DYNC1I1: variants seen among roughly 807,000 people sequenced by gnomAD.
DYNC1I1 encodes dynein cytoplasmic 1 intermediate chain 1.
Under a neutral mutation model 86.6 loss-of-function variants are expected in DYNC1I1, and 43 were observed. The observed-to-expected ratio is 0.50, with a 90% confidence interval of 0.39 to 0.64. The LOEUF (loss-of-function observed/expected upper bound fraction) is 0.64, where lower values mean the gene tolerates loss of function less well. Among genes scored for constraint, DYNC1I1 ranks in the 30% least tolerant of loss-of-function variants. The pLI, the probability that DYNC1I1 is intolerant of heterozygous loss-of-function variation, is 0.00. For synonymous variants in DYNC1I1, 262 were observed against 283.7 expected, an observed-to-expected ratio of 0.92 and a Z score of 0.77; for missense variants, 604 against 788.8, an observed-to-expected ratio of 0.77 and a Z score of 2.81.
chr7:96,039,351 G>A lies in DYNC1I1; in HGVS notation c.1439G>A (p.Gly480Asp). ...GGAATTAACTGCCACATGGCAGTGG[G>A]CCCAATCGACTTTTCTCACCTGTTT... ...VTGINCHMAV[G>D]PIDFSHLFVT... The change falls in exon 14 of 17, where the codon GGC becomes GAC. Residue 480 changes from glycine (G) to aspartate (D), a missense_variant. By Grantham distance (94) the Gly-to-Asp change is moderately conservative. Coordinates refer to ENST00000447467, the MANE Select transcript of DYNC1I1 (RefSeq NM_001135556.2). 6.2e-7 allele frequency: 1 copy of A among 1,614,118 alleles called. No homozygotes were observed. Among genetic ancestry groups the A allele is most frequent in the South Asian group, 1.1e-5 (1 of 91,078 alleles).
At chr7:95,946,017 C>G (rs1337173217) in intron 6 of DYNC1I1, among the ~76,000 whole-genome samples, 1 of 152,050 alleles carries the variant, frequency 6.6e-6, no homozygotes, top group African/African-American at 2.4e-5. Context: ...ATGGATGGAG[C>G]TGGAAGCCAT....
intron 16 of DYNC1I1, among the ~76,000 whole-genome samples, chr7:96,084,442 CTT>C (rs11369815): frequency 6.4e-5 from 8 of 124,734 alleles, no homozygotes; most frequent in Non-Finnish European, 9.8e-5. Flanking sequence ...TTTTTCTTTT[CTT>C]TTTTTTTTTT....
At chr7:96,078,698 T>C (rs959355734) in intron 15 of DYNC1I1, among the ~76,000 whole-genome samples, 39 of 152,174 alleles carry the variant, frequency 2.6e-4, no homozygotes, top group African/African-American at 9.4e-4. Context: ...TTTTTAAGAT[T>C]GTTCATAGAT....
chr7:96,012,909 A>G (rs904953366), intron 10 of DYNC1I1, among the ~76,000 whole-genome samples: 8 of 151,938 alleles, frequency 5.3e-5, no homozygotes, highest in Admixed American at 1.3e-4. Flanking sequence ...AATTTTTTCC[A>G]TAGGTTATTA....
intron 10 of DYNC1I1, among the ~76,000 whole-genome samples, chr7:96,018,954 A>G (rs1022367470): frequency 1.3e-5 from 2 of 152,140 alleles, no homozygotes. Context: ...AAGCACCTAG[A>G]TGTGTTTGTT....
chr7:96,097,590 C>T lies in DYNC1I1; in HGVS notation c.1884C>T (p.Ala628=), dbSNP rs1459752016. The change falls in exon 17 of 17, where the codon GCC becomes GCT. Residue 628 remains alanine (A), a synonymous_variant. Coordinates refer to ENST00000447467, the MANE Select transcript of DYNC1I1 (RefSeq NM_001135556.2). ...AGGAAGGCACTGTTGAGTTATCTGC[C>T]TAGTGGAAATGAGCCACCCCCACTG... The part of the protein sequence containing the change: ...SEEEGTVELS[A] 1 of 1,613,580 alleles carries T rather than the reference C, an allele frequency of 6.2e-7. No homozygotes were observed. Among genetic ancestry groups the T allele is most frequent in the East Asian group, 2.2e-5 (1 of 44,874 alleles).
intron 1 of DYNC1I1, among the ~76,000 whole-genome samples, chr7:95,773,045 C>T (rs1793746123): frequency 1.3e-5 from 2 of 152,200 alleles, no homozygotes; most frequent in Admixed American, 1.3e-4. Context: ...ACCTGGTCGC[C>T]CACCTTGTGG....
intron 6 of DYNC1I1, among the ~76,000 whole-genome samples, chr7:95,925,961 TAAAG>T (rs899813829): frequency 1.1e-4 from 17 of 152,170 alleles, no homozygotes; most frequent in African/African-American, 3.9e-4. Context: ...ATGCATAAAT[TAAAG>T]AAATCCAAAT....
intron 4 of DYNC1I1, among the ~76,000 whole-genome samples, chr7:95,821,866 A>G (rs1433111723): frequency 6.6e-6 from 1 of 152,220 alleles, no homozygotes; most frequent in African/African-American, 2.4e-5. Context: ...CCTTAGCCAC[A>G]TTGAGTGTTA....
rs557244676 is a variant in DYNC1I1 at position 95,898,457 on chromosome 7, T to C, written c.490+28459T>C. ...CCCTTCTGTTCCCCCATATGCTATT[T>C]ACATATAACATCTTGGGGTGATTGG... is the stretch of plus-strand genomic sequence containing the variant. On this transcript the variant is annotated intron_variant, in intron 6 of 16. Transcript: ENST00000447467. Among the ~76,000 whole-genome samples the C allele has an allele frequency of 2.7e-4, 41 of 152,288 alleles. No individual in the cohort carries two copies. The South Asian group carries it at 4.6e-3, about 17-fold the overall frequency.
At chr7:96,090,882 T>C (rs925964744) in intron 16 of DYNC1I1, among the ~76,000 whole-genome samples, 1 of 152,212 alleles carries the variant, frequency 6.6e-6, no homozygotes, top group African/African-American at 2.4e-5. Flanking sequence ...TATTGCATTC[T>C]AACTTGGAAT....
At chr7:95,850,546 A>C (rs1223927793) in intron 5 of DYNC1I1, among the ~76,000 whole-genome samples, 1 of 152,200 alleles carries the variant, frequency 6.6e-6, no homozygotes. Context: ...GCCTGAAACC[A>C]TGGATAGTAC....
At chr7:95,978,839 A>G (rs1793378679) in intron 7 of DYNC1I1, among the ~76,000 whole-genome samples, 2 of 151,944 alleles carry the variant, frequency 1.3e-5, no homozygotes, top group Non-Finnish European at 2.9e-5. Flanking sequence ...ACTCTGTCCC[A>G]GGCTGCAGTG....
intron 6 of DYNC1I1, among the ~76,000 whole-genome samples, chr7:95,938,299 T>C (rs751217709): frequency 6.6e-6 from 1 of 152,168 alleles, no homozygotes; most frequent in Non-Finnish European, 1.5e-5. Flanking sequence ...ATAATAACAT[T>C]CACCATGGTG....
At chr7:95,809,518 T>C (rs1189203582) in intron 2 of DYNC1I1, among the ~76,000 whole-genome samples, 2 of 152,146 alleles carry the variant, frequency 1.3e-5, no homozygotes, top group Admixed American at 1.3e-4. Flanking sequence ...GTGGGGCAAA[T>C]AACTTATCTT....
At chr7:95,831,251 C>A (rs1788892891) in intron 5 of DYNC1I1, among the ~76,000 whole-genome samples, 1 of 152,012 alleles carries the variant, frequency 6.6e-6, no homozygotes, top group South Asian at 2.1e-4. Context: ...CAAATTTGTT[C>A]TTTTATGGAT....
At chr7:96,109,541 A>G (rs1352882418) in intron 16 of DYNC1I1, among the ~76,000 whole-genome samples, 1 of 151,990 alleles carries the variant, frequency 6.6e-6, no homozygotes, top group African/African-American at 2.4e-5. Context: ...TTTCTCTCTA[A>G]ACACTACTGT....
intron 6 of DYNC1I1, among the ~76,000 whole-genome samples, chr7:95,941,900 A>T (rs1423228875): frequency 2.6e-5 from 4 of 152,200 alleles, no homozygotes; most frequent in Admixed American, 6.5e-5. Context: ...TGTGTCGCTC[A>T]TGCTGGGAGC....
intron 5 of DYNC1I1, among the ~76,000 whole-genome samples, chr7:95,856,747 G>A (rs57010520): frequency 0.094 from 14,292 of 152,136 alleles, 718 homozygotes; most frequent in South Asian, 0.14. Flanking sequence ...TTGGGAGGCT[G>A]AGGCAGGTGG....
Sources: allele counts gnomAD v4.1 joint callset (sites outside exome capture counted in the v4.1 genomes callset), GRCh38; gene constraint gnomAD v4.1.1; transcripts MANE v1.5; gene names NCBI Gene and HGNC (gene_info 2026-07-23, HGNC 2026-07-21).